The following PRKN variants were observed in gnomAD, a reference collection of about 807,000 sequenced individuals.
PRKN encodes the protein E3 ubiquitin-protein ligase parkin.
PRKN carries 56 observed loss-of-function variants against 59.5 expected under a neutral mutation model. The observed-to-expected ratio is 0.94, with a 90% confidence interval of 0.76 to 1.18. The LOEUF is 1.18. Among genes scored for constraint, PRKN ranks in the 50% most tolerant of loss-of-function variants. PRKN has a pLI of 0.00. For missense variants in PRKN, 657 were observed against 596.4 expected (o/e 1.10, Z -1.06); for synonymous variants, 250 against 222.1 (o/e 1.13, Z -1.12).
chr6:162,121,246 G>T (rs996362751), intron 4 of PRKN, among the ~76,000 whole-genome samples: 1 of 152,030 alleles, frequency 6.6e-6, no homozygotes, highest in Non-Finnish European at 1.5e-5. Flanking sequence ...ACAGAAAATA[G>T]CAAATACCTT....
At chr6:161,374,987 A>C (rs1411578856) in intron 10 of PRKN, among the ~76,000 whole-genome samples, 1 of 152,138 alleles carries the variant, frequency 6.6e-6, no homozygotes, top group Non-Finnish European at 1.5e-5. Context: ...CCCATGTGTC[A>C]GGCCAGGCAG....
At position 161,460,822 on chromosome 6, in the gene PRKN, C is replaced by T. The variant is rs1193498299; in HGVS notation, c.1084-73945G>A. The stretch of plus-strand genomic sequence containing the variant: ...TGGAGTGCAGTGTCACAATCTCGGC[C>T]CACTGCAATCTCAGACTCCCTGGTT... On this transcript the variant is annotated intron_variant, in intron 9 of 11. Transcript: ENST00000366898. The surrounding 1 kb of genome is among the most constrained non-coding windows in gnomAD (Gnocchi z 5.0). Among the ~76,000 whole-genome samples the T allele has an allele frequency of 6.6e-6, 1 of 151,738 alleles. No homozygotes were observed. Among genetic ancestry groups the T allele is most frequent in the African/African-American group, 2.4e-5 (1 of 41,300 alleles).
intron 7 of PRKN, among the ~76,000 whole-genome samples, chr6:161,731,239 A>C (rs1305506355): frequency 1.3e-5 from 2 of 152,270 alleles, no homozygotes; most frequent in Non-Finnish European, 2.9e-5. Flanking sequence ...TAAGGCACAA[A>C]CAATGGACCC....
intron 2 of PRKN, among the ~76,000 whole-genome samples, chr6:162,359,079 A>AAAAAAAAATATATATATATATATAT (rs57265104): frequency 2.4e-5 from 2 of 83,246 alleles, no homozygotes; most frequent in African/African-American, 1.5e-4. Context: ...AAAAAAAAAA[A>AAAAAAAAATATATATATATATATAT]ATATATATAT....
chr6:161,449,081 T>G (rs1290101942), intron 9 of PRKN, among the ~76,000 whole-genome samples: 1 of 152,220 alleles, frequency 6.6e-6, no homozygotes, highest in Non-Finnish European at 1.5e-5. Flanking sequence ...ATAAATGGTT[T>G]GTGGTTATTG....
intron 1 of PRKN, among the ~76,000 whole-genome samples, chr6:162,535,013 G>A (rs1778661196): frequency 6.6e-6 from 1 of 151,840 alleles, no homozygotes; most frequent in African/African-American, 2.4e-5. Context: ...TCCATCCCCA[G>A]TCCTCTTCCA....
intron 5 of PRKN, among the ~76,000 whole-genome samples, chr6:161,992,968 A>G (rs1429436208): frequency 1.3e-5 from 2 of 152,150 alleles, no homozygotes; most frequent in East Asian, 1.9e-4. Context: ...CTGCTAAGAG[A>G]AAAGTTTATA....
rs115350326 is a variant in PRKN, at chr6:162,185,525, G to A, written c.534+15606C>T. Among the ~76,000 whole-genome samples the A allele has an allele frequency of 2.4e-3, 358 of 152,224 alleles. 2 individuals carry two copies. Among genetic ancestry groups the A allele is most frequent in the African/African-American group, 8.1e-3 (336 of 41,536 alleles). ...ACAAGAGTTTAGGTCAAGAGGTTCC[G>A]GTGTTATCTGCGTCCTTCATTATAA... On this transcript the variant is annotated intron_variant, in intron 4 of 11. Transcript: ENST00000366898.
In PRKN at chr6:162,556,342, GGTGTGT is replaced by G. The variant is rs202002846; in HGVS notation, c.8-112875_8-112870del. Among the ~76,000 whole-genome samples the G allele has an allele frequency of 5.8e-3, 330 of 57,214 alleles. 1 individual carries two copies. Among genetic ancestry groups the G allele is most frequent in the East Asian group, 0.011 (15 of 1,334 alleles). 37.5% of individuals were successfully genotyped at this position (57,214 alleles called of 152,430 possible). On this transcript the variant is annotated intron_variant, in intron 1 of 11. Transcript: ENST00000366898. ...GAAACCAAGCAGTAACTACTCAGCT[GGTGTGT>G]GTGTGTGTGTGTGTGTGTGTGTGTG...
rs118056380 is a variant in PRKN at position 162,104,147 on chromosome 6, G to A, written c.535-49973C>T. On this transcript the variant is annotated intron_variant, in intron 4 of 11. Transcript: ENST00000366898. ...GCATGACTCAGTTTGTTTGTCTTGT[G>A]CCCTGCACTCCTCATCTCCATGAAG... 5.7e-3 allele frequency among the ~76,000 whole-genome samples: 864 copies of A among 152,268 alleles called. 5 individuals are homozygous for A. The highest frequency in any genetic ancestry group is 0.014 in the Middle Eastern group (4 of 294).
intron 2 of PRKN, among the ~76,000 whole-genome samples, chr6:162,400,702 A>T (rs571616885): frequency 6.6e-6 from 1 of 152,254 alleles, no homozygotes; most frequent in South Asian, 2.1e-4. Context: ...ATGGGAGGTG[A>T]ACCAGAAAAG....
In PRKN at chr6:161,898,445, C is replaced by T. The variant is rs80229830; in HGVS notation, c.734+74857G>A. On this transcript the variant is annotated intron_variant, in intron 6 of 11. Coordinates refer to ENST00000366898, the MANE Select transcript of PRKN (RefSeq NM_004562.3). ...CTTTCATCTACATAATTTTTATGTA[C>T]ACTTCACAACAGTTCTCCAAATGGA... Among the ~76,000 whole-genome samples, 849 of 152,260 alleles carry T rather than the reference C, an allele frequency of 5.6e-3. 7 individuals carry two copies. Among genetic ancestry groups the T allele is most frequent in the African/African-American group, 0.018 (744 of 41,560 alleles).
intron 6 of PRKN, among the ~76,000 whole-genome samples, chr6:161,913,151 G>A (rs551918869): frequency 5.4e-5 from 7 of 130,464 alleles, no homozygotes; most frequent in African/African-American, 1.1e-4. Context: ...TGGGCAACAC[G>A]AGCAAAACTC....
chr6:162,456,372 T>A (rs569840566), intron 1 of PRKN, among the ~76,000 whole-genome samples: 77 of 152,272 alleles, frequency 5.1e-4, no homozygotes, highest in Non-Finnish European at 1.1e-3. Flanking sequence ...CAAGAAACCA[T>A]TCACCCAAAT....
chr6:162,163,941 C>T (rs1200537476), intron 4 of PRKN, among the ~76,000 whole-genome samples: 3 of 148,854 alleles, frequency 2.0e-5, no homozygotes, highest in Non-Finnish European at 1.5e-5. Context: ...TAGCCCTGCT[C>T]GGTGACTCAC....
chr6:161,521,323 G>A (rs1238629529), intron 9 of PRKN, among the ~76,000 whole-genome samples: 1 of 152,154 alleles, frequency 6.6e-6, no homozygotes, highest in Non-Finnish European at 1.5e-5. Flanking sequence ...AGAATTTGTT[G>A]CTCATCCATT....
intron 1 of PRKN, among the ~76,000 whole-genome samples, chr6:162,696,992 GCTTC>G (rs1266954632): frequency 6.6e-6 from 1 of 152,060 alleles, no homozygotes; most frequent in African/African-American, 2.4e-5. Flanking sequence ...TATTAACAAT[GCTTC>G]CTTAATAGCA....
chr6:161,472,984 A>G (rs990043596), intron 9 of PRKN, among the ~76,000 whole-genome samples: 6 of 152,184 alleles, frequency 3.9e-5, no homozygotes, highest in Admixed American at 3.3e-4. Flanking sequence ...GCCATTATCA[A>G]AAAGACATAA....
intron 7 of PRKN, among the ~76,000 whole-genome samples, chr6:161,631,766 C>T (rs1783319075): frequency 1.5e-5 from 1 of 68,876 alleles, no homozygotes; most frequent in Non-Finnish European, 2.8e-5. Flanking sequence ...CGCACACACC[C>T]AGACAAACAC....
Sources: allele counts gnomAD v4.1 joint callset (sites outside exome capture counted in the v4.1 genomes callset), GRCh38; gene constraint gnomAD v4.1.1; non-coding constraint Gnocchi (gnomAD v3.1); transcripts MANE v1.5; gene names NCBI Gene and HGNC (gene_info 2026-07-23, HGNC 2026-07-21).